The following ANLN variants were observed in gnomAD, a reference collection of about 807,000 sequenced individuals.
ANLN encodes anillin, actin binding protein.
A neutral mutation model predicts 135.1 loss-of-function variants in ANLN; 59 were observed. That is an observed-to-expected ratio of 0.44 (90% confidence interval 0.35 to 0.54). The LOEUF (loss-of-function observed/expected upper bound fraction) is 0.54, where lower values mean the gene tolerates loss of function less well. Among genes scored for constraint, ANLN ranks in the 20% least tolerant of loss-of-function variants. ANLN has a pLI of 0.00. For missense variants in ANLN, 1,182 were observed against 1,340.0 expected, an observed-to-expected ratio of 0.88 and a Z score of 1.84; for synonymous variants, 406 against 456.4, an observed-to-expected ratio of 0.89 and a Z score of 1.41.
intron 22 of ANLN, among the ~76,000 whole-genome samples, chr7:36,446,530 G>A (rs1789005690): frequency 6.6e-6 from 1 of 152,212 alleles, no homozygotes; most frequent in Non-Finnish European, 1.5e-5. Context: ...AAAAGATGAA[G>A]TGGGAGCAGG....
rs1325799394 is a variant in ANLN at position 36,406,510 on chromosome 7, C to T, written c.817C>T (p.Leu273=). 3 of 1,569,676 alleles carry T rather than the reference C, an allele frequency of 1.9e-6. No homozygotes were observed. The Admixed American group carries it at 5.4e-5, about 28-fold the overall frequency. ...RDGDASLNKA[L]SSSADDASLV... ...TGGCGATGCCTCTTTGAATAAAGCC[C>T]TATCCTCAAGTGCTGATGATGCGTC... Residue 273 remains leucine, a synonymous_variant, in exon 4 of 24, where the codon CTA becomes TTA. Coordinates refer to ENST00000265748, the MANE Select transcript of ANLN (RefSeq NM_018685.5).
chr7:36,436,718 T>C (rs1788563452), intron 20 of ANLN, among the ~76,000 whole-genome samples: 1 of 152,224 alleles, frequency 6.6e-6, no homozygotes. Context: ...TGACTGTTGA[T>C]GTTAAATGTC....
chr7:36,427,106 T>G, intron 20 of ANLN, 78 bp downstream of exon 20: 3 of 853,996 alleles, frequency 3.5e-6, no homozygotes, highest in Non-Finnish European at 5.4e-6. Flanking sequence ...AATGCCACAA[T>G]GCTTTTAGGT....
intron 20 of ANLN, among the ~76,000 whole-genome samples, chr7:36,427,767 C>G (rs929715839): frequency 2.0e-5 from 3 of 152,154 alleles, no homozygotes; most frequent in African/African-American, 4.8e-5. Context: ...TAAGAGATTT[C>G]CTTCTCATAC....
intron 11 of ANLN, 80 bp downstream of exon 11, chr7:36,420,394 A>G: frequency 6.6e-7 from 1 of 1,515,256 alleles, no homozygotes; most frequent in South Asian, 1.3e-5. Context: ...ATTTGTAATT[A>G]TAATGTTATT....
At chr7:36,426,083 T>C (rs764243766) in intron 19 of ANLN, 47 bp downstream of exon 19, 1 of 1,344,636 alleles carries the variant, frequency 7.4e-7, no homozygotes, top group East Asian at 2.5e-5. Context: ...AGGTAAGGAA[T>C]TAAGCACTTG....
chr7:36,442,642 AT>A (rs908353013), intron 21 of ANLN, among the ~76,000 whole-genome samples: 97 of 151,546 alleles, frequency 6.4e-4, no homozygotes, highest in African/African-American at 2.3e-3. Context: ...ATTTTTATAT[AT>A]TTTTTTGAGA....
intron 7 of ANLN, among the ~76,000 whole-genome samples, chr7:36,414,152 G>C (rs1435224626): frequency 2.0e-5 from 3 of 152,192 alleles, no homozygotes; most frequent in Admixed American, 6.5e-5. Context: ...TTAGTGAAGA[G>C]GTGAGGGTGG....
chr7:36,438,926 T>C (rs1333232467), intron 20 of ANLN, among the ~76,000 whole-genome samples: 1 of 152,216 alleles, frequency 6.6e-6, no homozygotes, highest in Non-Finnish European at 1.5e-5. Flanking sequence ...TGATGGAGAA[T>C]AGATAAACCC....
intron 20 of ANLN, among the ~76,000 whole-genome samples, chr7:36,436,195 A>G (rs890698326): frequency 6.6e-6 from 1 of 152,192 alleles, no homozygotes; most frequent in Non-Finnish European, 1.5e-5. Flanking sequence ...TATATTTCAT[A>G]TAAATGGGAT....
In ANLN at chr7:36,452,961, T is replaced by G. The variant is rs1789307569; in HGVS notation, c.*361T>G. On this transcript the variant is annotated 3_prime_UTR_variant, in exon 24 of 24. Coordinates refer to ENST00000265748, the MANE Select transcript of ANLN (RefSeq NM_018685.5). ...TGAAGCAGCAACGTCTTTCAGGGGTTGGAGACAGAAACCCATTCTCCAATC... is the reference window on the plus strand; with the variant it reads ...TGAAGCAGCAACGTCTTTCAGGGGTGGGAGACAGAAACCCATTCTCCAATC... 1 of 162,620 alleles carries G rather than the reference T, an allele frequency of 6.1e-6. No individual in the cohort carries two copies. The highest frequency in any genetic ancestry group is 1.3e-5 in the Non-Finnish European group (1 of 74,708). The allele number at this position is 162,620 out of a possible 1,614,324, so 10.1% of individuals were successfully genotyped here. A position where few individuals can be genotyped will look rare whatever the true frequency, so the allele number is the denominator to read the frequency against.
intron 20 of ANLN, among the ~76,000 whole-genome samples, chr7:36,435,522 A>C (rs1297728212): frequency 6.6e-6 from 1 of 152,076 alleles, no homozygotes; most frequent in East Asian, 1.9e-4. Flanking sequence ...ATTTAAGTGG[A>C]ATCAAAGAAT....
chr7:36,422,210 A>C (rs1787903105), intron 13 of ANLN, among the ~76,000 whole-genome samples: 1 of 152,208 alleles, frequency 6.6e-6, no homozygotes, highest in African/African-American at 2.4e-5. Flanking sequence ...CATTTGAAGA[A>C]ATGCAGTTGT....
At chr7:36,431,884 TC>T (rs971596417) in intron 20 of ANLN, among the ~76,000 whole-genome samples, 2 of 151,416 alleles carry the variant, frequency 1.3e-5, no homozygotes, top group East Asian at 1.9e-4. Context: ...CTTTCTTTTT[TC>T]CCCCCCAGAA....
chr7:36,431,889 C>G (rs1788347334), intron 20 of ANLN, among the ~76,000 whole-genome samples: 1 of 151,720 alleles, frequency 6.6e-6, no homozygotes, highest in African/African-American at 2.4e-5. Flanking sequence ...TTTTTTCCCC[C>G]CCAGAATAGG....
intron 20 of ANLN, among the ~76,000 whole-genome samples, chr7:36,437,624 G>A (rs73106361): frequency 6.6e-6 from 1 of 151,936 alleles, no homozygotes; most frequent in Non-Finnish European, 1.5e-5. Context: ...GTAATGAAAG[G>A]TTTTTAATTC....
chr7:36,404,170 A>G (rs775362088), intron 3 of ANLN, among the ~76,000 whole-genome samples: 29 of 150,604 alleles, frequency 1.9e-4, no homozygotes, highest in Non-Finnish European at 3.4e-4. Flanking sequence ...GGGTTTCACC[A>G]TGTCACTTAG....
At chr7:36,407,979 A>T (rs1422030634) in intron 5 of ANLN, 23 bp downstream of exon 5, 4 of 1,558,600 alleles carry the variant, frequency 2.6e-6, no homozygotes, top group Non-Finnish European at 3.5e-6. Flanking sequence ...TAAAAAATTT[A>T]GTTATTGCTG....
chr7:36,441,313 G>A (rs1444962401), intron 21 of ANLN, among the ~76,000 whole-genome samples: 1 of 152,110 alleles, frequency 6.6e-6, no homozygotes, highest in East Asian at 1.9e-4. Context: ...GAATCCTGTA[G>A]CCCATTCTTC....
Sources: allele counts gnomAD v4.1 joint callset (sites outside exome capture counted in the v4.1 genomes callset), GRCh38; gene constraint gnomAD v4.1.1; transcripts MANE v1.5; gene names NCBI Gene and HGNC (gene_info 2026-07-23, HGNC 2026-07-21).